Variants in MYO1B observed in about 807,000 individuals in gnomAD.
MYO1B encodes myosin IB.
Under a neutral mutation model 159.7 loss-of-function variants are expected in MYO1B, and 72 were observed. The observed-to-expected ratio is 0.45, with a 90% confidence interval of 0.37 to 0.55. The LOEUF (loss-of-function observed/expected upper bound fraction) is 0.55. Ranked by LOEUF, MYO1B falls within the 20% of genes least tolerant of loss-of-function variation. The probability of loss-of-function intolerance (pLI) is 0.00; values close to 1 mark genes in which losing one functional copy is unlikely to be tolerated. For synonymous variants in MYO1B, 468 were observed against 473.8 expected (o/e 0.99, Z 0.16); for missense variants, 1,062 against 1,364.8 (o/e 0.78, Z 3.50).
chr2:191,271,674 G>C lies in MYO1B; in HGVS notation c.-9-5213G>C, dbSNP rs73981525. Among the ~76,000 whole-genome samples the C allele has an allele frequency of 5.8e-3, 876 of 152,274 alleles. 10 individuals are homozygous for C. The highest frequency in any genetic ancestry group is 0.02 in the African/African-American group (825 of 41,534). ...ACATTGTTCTTATCTGTGGTACTCT[G>C]AGAACTTCAAATTCAATGGAGGAGC... On this transcript the variant is annotated intron_variant, in intron 1 of 30. Transcript: ENST00000392318.
chr2:191,262,375 C>T (rs912605798), intron 1 of MYO1B, among the ~76,000 whole-genome samples: 2 of 152,124 alleles, frequency 1.3e-5, no homozygotes, highest in East Asian at 1.9e-4. Context: ...TGCATTTAGT[C>T]GCTTTGCCAA....
intron 1 of MYO1B, among the ~76,000 whole-genome samples, chr2:191,258,966 T>C (rs910608748): frequency 6.6e-6 from 1 of 152,230 alleles, no homozygotes; most frequent in Non-Finnish European, 1.5e-5. Flanking sequence ...GACTATCTTC[T>C]GCAACTCGGA....
chr2:191,337,590 T>C (rs1691938534), intron 4 of MYO1B, among the ~76,000 whole-genome samples: 1 of 152,164 alleles, frequency 6.6e-6, no homozygotes, highest in African/African-American at 2.4e-5. Flanking sequence ...AGGCTTCATA[T>C]ATTTTGTTAG....
Position 191,276,902 on chromosome 2 carries a change from A to G in MYO1B, c.7A>G (p.Lys3Glu). The G allele has an allele frequency of 6.2e-7, 1 of 1,605,930 alleles. No homozygotes were observed. The highest frequency in any genetic ancestry group is 1.7e-4 in the Middle Eastern group (1 of 6,030). The change falls in exon 2 of 31, where the codon AAA becomes GAA. Residue 3 changes from lysine (K) to glutamate (E), a missense_variant. Physicochemically the swap from Lys to Glu is moderately conservative, Grantham distance 56. Coordinates refer to ENST00000392318, the MANE Select transcript of MYO1B (RefSeq NM_001130158.3). ...TCTTCTGCAGCTGGAGACCATGGCC[A>G]AAATGGAGGTGAAAACCTCACTTCT... Reference protein sequence around the residue: MAKMEVKTSLLDN... With the variant: MAEMEVKTSLLDN...
intron 14 of MYO1B, 96 bp downstream of exon 14, chr2:191,381,662 A>G (rs1695047512): frequency 1.2e-6 from 1 of 833,038 alleles, no homozygotes; most frequent in Admixed American, 2.1e-5. Context: ...AGCCATATTC[A>G]AAAGGCTACA....
chr2:191,400,493 C>T (rs187531093), intron 22 of MYO1B, 25 bp downstream of exon 22: 57 of 1,611,874 alleles, frequency 3.5e-5, no homozygotes, highest in African/African-American at 1.1e-4. Context: ...CCAAGGAAGG[C>T]GGTGGGTCAG....
intron 4 of MYO1B, among the ~76,000 whole-genome samples, chr2:191,334,252 G>A (rs1691681814): frequency 1.3e-5 from 2 of 152,010 alleles, no homozygotes; most frequent in Admixed American, 1.3e-4. Flanking sequence ...TGAGAAGACA[G>A]CACGTCCACT....
chr2:191,262,198 A>G (rs1268827318), intron 1 of MYO1B, among the ~76,000 whole-genome samples: 1 of 152,058 alleles, frequency 6.6e-6, no homozygotes, highest in Non-Finnish European at 1.5e-5. Context: ...ACTGTCTTGT[A>G]TAGGGCCTGT....
intron 11 of MYO1B, among the ~76,000 whole-genome samples, chr2:191,366,265 C>G (rs555774267): frequency 1.3e-5 from 2 of 152,308 alleles, no homozygotes; most frequent in African/African-American, 2.4e-5. Context: ...GTGCCTCTGA[C>G]TTTATAAGCT....
intron 17 of MYO1B, among the ~76,000 whole-genome samples, chr2:191,389,600 C>T (rs967689404): frequency 6.6e-6 from 1 of 152,214 alleles, no homozygotes; most frequent in Admixed American, 6.5e-5. Flanking sequence ...CATTACTTCC[C>T]CTCTGATCCT....
At chr2:191,398,802 G>A (rs1696383118) in intron 21 of MYO1B, among the ~76,000 whole-genome samples, 1 of 151,368 alleles carries the variant, frequency 6.6e-6, no homozygotes, top group South Asian at 2.1e-4. Flanking sequence ...AGGCAGAGGG[G>A]CTCCTCACCT....
chr2:191,411,611 G>A (rs901461043), intron 27 of MYO1B, among the ~76,000 whole-genome samples: 11 of 152,160 alleles, frequency 7.2e-5, no homozygotes, highest in Non-Finnish European at 1.5e-4. Context: ...ATGAAAGAGC[G>A]AGCCAGGACA....
Position 191,306,542 on chromosome 2 carries a change from C to T in MYO1B, c.251+10316C>T, listed in dbSNP as rs138560434. 1.9e-3 allele frequency among the ~76,000 whole-genome samples: 292 copies of T among 152,188 alleles called. 1 individual carries two copies. The highest frequency in any genetic ancestry group is 6.8e-3 in the African/African-American group (281 of 41,510). ...CTGTGGGTGTACAGAAAAAGAGAAA[C>T]TCAACGAGAGGTTTAGGTTTAGGGA... On this transcript the variant is annotated intron_variant, in intron 3 of 30. Coordinates refer to ENST00000392318, the MANE Select transcript of MYO1B (RefSeq NM_001130158.3).
intron 7 of MYO1B, among the ~76,000 whole-genome samples, chr2:191,351,358 C>G (rs2125985478): frequency 6.6e-6 from 1 of 152,038 alleles, no homozygotes; most frequent in Non-Finnish European, 1.5e-5. Flanking sequence ...GCCCAGAATC[C>G]CGGCACTCTC....
At position 191,390,392 on chromosome 2, in the gene MYO1B, C is replaced by T. The variant is rs1029231933; in HGVS notation, c.1882C>T (p.Arg628Trp). 6 of 1,614,100 alleles carry T rather than the reference C, an allele frequency of 3.7e-6. No homozygotes were observed. The highest frequency in any genetic ancestry group is 1.3e-5 in the African/African-American group (1 of 74,932). ...GGGGCTTTTGGAGAACGTCCGAGTG[C>T]GGAGGGCAGGCTACGCCTTCAGGCA... ...YLGLLENVRV[R>W]RAGYAFRQAY... The change falls in exon 18 of 31, where the codon CGG (arginine) becomes TGG (tryptophan). Residue 628 changes from arginine (R) to tryptophan (W), a missense_variant. This residue lies in a region of MYO1B where 609 missense variants were observed against 744.4 expected (regional missense o/e 0.82). Coordinates refer to ENST00000392318, the MANE Select transcript of MYO1B (RefSeq NM_001130158.3).
At chr2:191,395,205 G>A (rs1348705821) in intron 20 of MYO1B, among the ~76,000 whole-genome samples, 3 of 152,130 alleles carry the variant, frequency 2.0e-5, no homozygotes, top group African/African-American at 7.2e-5. Context: ...AGATACTGTA[G>A]CTGTTCTACA....
At chr2:191,323,792 T>G (rs1251012748) in intron 3 of MYO1B, among the ~76,000 whole-genome samples, 2 of 152,194 alleles carry the variant, frequency 1.3e-5, no homozygotes, top group Non-Finnish European at 2.9e-5. Context: ...ATTTTTGTTT[T>G]GTAGCCAGTA....
intron 2 of MYO1B, among the ~76,000 whole-genome samples, chr2:191,285,509 T>G (rs537159731): frequency 6.6e-6 from 1 of 152,326 alleles, no homozygotes; most frequent in Admixed American, 6.5e-5. Context: ...GCCAGTGATT[T>G]AAGGCACAAC....
intron 4 of MYO1B, 65 bp from the exon 5 acceptor site, chr2:191,341,396 T>C: frequency 7.2e-7 from 1 of 1,380,784 alleles, no homozygotes; most frequent in East Asian, 2.3e-5. Flanking sequence ...CCACATTTCC[T>C]CCTCCCCAAA....
Sources: allele counts gnomAD v4.1 joint callset (sites outside exome capture counted in the v4.1 genomes callset), GRCh38; gene constraint gnomAD v4.1.1; regional missense constraint gnomAD v4.1.1; transcripts MANE v1.5; gene names NCBI Gene and HGNC (gene_info 2026-07-23, HGNC 2026-07-21).